The following NRG1 variants were observed in gnomAD, a reference collection of about 807,000 sequenced individuals.
The protein encoded by NRG1 is neuregulin 1.
NRG1 carries 18 observed loss-of-function variants against 63.8 expected under a neutral mutation model. The observed-to-expected ratio is 0.28, with a 90% CI of 0.19 to 0.42. NRG1 has a LOEUF of 0.42. Ranked by LOEUF, NRG1 falls within the 10% of genes least tolerant of loss-of-function variation. The pLI is 1.00. For missense variants in NRG1, 762 were observed against 814.7 expected, an observed-to-expected ratio of 0.94 and a Z score of 0.79; for synonymous variants, 302 against 301.3, an observed-to-expected ratio of 1.00 and a Z score of -0.02.
intron 1 of NRG1, among the ~76,000 whole-genome samples, chr8:32,280,644 A>G (rs1292460797): frequency 7.9e-6 from 1 of 127,000 alleles, no homozygotes; most frequent in Non-Finnish European, 1.6e-5. Context: ...AGATGCTCAC[A>G]TGTCATTGTG....
intron 1 of NRG1, among the ~76,000 whole-genome samples, chr8:31,791,584 C>T (rs923386405): frequency 6.6e-6 from 1 of 152,182 alleles, no homozygotes. Flanking sequence ...TAAAATGTCT[C>T]AGTAGACCAA....
chr8:31,995,183 A>G (rs1403334260), intron 1 of NRG1, among the ~76,000 whole-genome samples: 1 of 151,966 alleles, frequency 6.6e-6, no homozygotes, highest in Non-Finnish European at 1.5e-5. Flanking sequence ...ATAGAGGTCA[A>G]TATAAGAAAT....
chr8:32,028,123 A>C (rs377184092), intron 1 of NRG1, among the ~76,000 whole-genome samples: 1 of 152,158 alleles, frequency 6.6e-6, no homozygotes, highest in East Asian at 1.9e-4. Flanking sequence ...TACTATTTTT[A>C]TATTACTAAT....
At chr8:32,318,013 A>G (rs1485079281) in intron 1 of NRG1, among the ~76,000 whole-genome samples, 1 of 152,220 alleles carries the variant, frequency 6.6e-6, no homozygotes, top group Non-Finnish European at 1.5e-5. Context: ...AAAAATGAGT[A>G]CAGAGGCCAT....
intron 1 of NRG1, among the ~76,000 whole-genome samples, chr8:31,917,047 T>G (rs1295496556): frequency 5.3e-5 from 8 of 151,064 alleles, no homozygotes; most frequent in East Asian, 2.0e-4. Context: ...CTTTTTGATG[T>G]GGTTGTTTGT....
chr8:32,050,504 A>G (rs1280604610), intron 1 of NRG1, among the ~76,000 whole-genome samples: 1 of 152,162 alleles, frequency 6.6e-6, no homozygotes, highest in Non-Finnish European at 1.5e-5. Flanking sequence ...AAGTGGTTAG[A>G]AAGTCTTTAG....
chr8:32,379,314 T>G (rs763400587), intron 1 of NRG1, among the ~76,000 whole-genome samples: 2 of 151,704 alleles, frequency 1.3e-5, no homozygotes, highest in Non-Finnish European at 2.9e-5. Flanking sequence ...CAGGGAAGAT[T>G]AAAACTCATT....
chr8:32,217,070 G>A (rs568017646), intron 1 of NRG1, among the ~76,000 whole-genome samples: 1 of 151,666 alleles, frequency 6.6e-6, no homozygotes, highest in Admixed American at 6.6e-5. Context: ...AAAATTAGCC[G>A]GGCGTGGTGG....
intron 1 of NRG1, among the ~76,000 whole-genome samples, chr8:32,066,738 G>T (rs555230282): frequency 5.0e-4 from 76 of 152,288 alleles, no homozygotes; most frequent in African/African-American, 1.5e-3. Flanking sequence ...GGCATTGGTA[G>T]CTTGATGGGG....
intron 1 of NRG1, among the ~76,000 whole-genome samples, chr8:31,717,882 T>C (rs1182723750): frequency 6.6e-6 from 1 of 152,192 alleles, no homozygotes; most frequent in African/African-American, 2.4e-5. Context: ...AAAATCATGG[T>C]TGGGAATTAC....
Position 32,504,178 on chromosome 8 carries a change from T to C in NRG1, c.38-91650T>C, listed in dbSNP as rs142568160. Among the ~76,000 whole-genome samples, 43 of 152,260 alleles carry C rather than the reference T, an allele frequency of 2.8e-4. 1 individual carries two copies. The East Asian group carries it at 7.7e-3, about 27-fold the overall frequency. ...AGCAGTTTCAGGCTCTTCCTATCTG[T>C]TGGGAGCCTGCCTTTCCCTGGTGCC... On this transcript the variant is annotated intron_variant, in intron 1 of 10. Coordinates refer to the NRG1 transcript ENST00000519301.
chr8:31,781,439 A>G (rs1563394818), intron 1 of NRG1, among the ~76,000 whole-genome samples: 1 of 152,188 alleles, frequency 6.6e-6, no homozygotes, highest in Non-Finnish European at 1.5e-5. Context: ...CAAGAAAAGC[A>G]CATTTCCCTC....
At chr8:31,950,466 A>G (rs1234991519) in intron 1 of NRG1, among the ~76,000 whole-genome samples, 1 of 152,210 alleles carries the variant, frequency 6.6e-6, no homozygotes, top group Non-Finnish European at 1.5e-5. Context: ...TTCTTCAGCC[A>G]TTTCTCTCCA....
At chr8:31,663,043 T>A (rs1038390044) in intron 1 of NRG1, among the ~76,000 whole-genome samples, 1 of 152,164 alleles carries the variant, frequency 6.6e-6, no homozygotes, top group African/African-American at 2.4e-5. Context: ...CAGAAGGCCC[T>A]CTTGTCTTCC....
intron 1 of NRG1, chr8:32,063,599 T>C (rs1444620856): frequency 1.3e-5 from 2 of 151,950 alleles, no homozygotes; most frequent in Non-Finnish European, 2.9e-5. Context: ...ACAAATAACA[T>C]CTAGTAATGA....
At chr8:32,681,060 A>G (rs1808486840) in intron 5 of NRG1, among the ~76,000 whole-genome samples, 1 of 152,176 alleles carries the variant, frequency 6.6e-6, no homozygotes, top group African/African-American at 2.4e-5. Context: ...ATTACTCTGT[A>G]TTAAATAATG....
At chr8:32,154,219 C>T (rs1429188077) in intron 1 of NRG1, among the ~76,000 whole-genome samples, 3 of 152,132 alleles carry the variant, frequency 2.0e-5, no homozygotes, top group Admixed American at 6.5e-5. Context: ...TGAGGAAGGC[C>T]AATGCAGTTT....
rs898731082 is a variant in NRG1 at position 32,084,444 on chromosome 8, A to G, written c.37+445013A>G. The stretch of plus-strand genomic sequence containing the variant: ...TTGAAGTAGCTGGGTTGGACCGTGA[A>G]TATTAATATGTAAATTATAGCTTGT... On this transcript the variant is annotated intron_variant, in intron 1 of 10. Transcript: ENST00000519301. Among the ~76,000 whole-genome samples the G allele has an allele frequency of 1.3e-5, 2 of 152,198 alleles. 1 individual carries two copies. Among genetic ancestry groups the G allele is most frequent in the African/African-American group, 4.8e-5 (2 of 41,448 alleles).
chr8:32,671,101 C>T (rs1191984238), intron 5 of NRG1, among the ~76,000 whole-genome samples: 1 of 150,058 alleles, frequency 6.7e-6, no homozygotes, highest in Non-Finnish European at 1.5e-5. Flanking sequence ...CTCAAGACCA[C>T]TATATTCATT....
Sources: allele counts gnomAD v4.1 joint callset (sites outside exome capture counted in the v4.1 genomes callset), GRCh38; gene constraint gnomAD v4.1.1; transcripts MANE v1.5; gene names NCBI Gene and HGNC (gene_info 2026-07-23, HGNC 2026-07-21).